HDAC9: variants seen among roughly 807,000 people sequenced by gnomAD.
The protein encoded by HDAC9 is MEF-2 interacting transcription repressor (MITR) protein.
A neutral mutation model predicts 139.4 loss-of-function variants in HDAC9; 41 were observed. The observed-to-expected ratio is 0.29, with a 90% confidence interval of 0.23 to 0.38. The LOEUF (loss-of-function observed/expected upper bound fraction) is 0.38, where lower values mean the gene tolerates loss of function less well. HDAC9 is among the 10% of genes least tolerant of loss of function. The pLI, the probability that HDAC9 is intolerant of heterozygous loss-of-function variation, is 1.00. For synonymous variants in HDAC9, 517 were observed against 476.2 expected (o/e 1.09, Z -1.12); for missense variants, 1,147 against 1,297.0 (o/e 0.88, Z 1.78).
chr7:18,188,964 A>G (rs983853633), intron 2 of HDAC9, among the ~76,000 whole-genome samples: 6 of 152,332 alleles, frequency 3.9e-5, no homozygotes, highest in African/African-American at 1.2e-4. Context: ...AATCAGAAAT[A>G]CCATTTGACC....
At chr7:18,343,857 T>C (rs897057241) in intron 1 of HDAC9, among the ~76,000 whole-genome samples, 1 of 151,888 alleles carries the variant, frequency 6.6e-6, no homozygotes, top group African/African-American at 2.4e-5. Flanking sequence ...TATTGTTTTA[T>C]CAAAAAGTAA....
intron 2 of HDAC9, among the ~76,000 whole-genome samples, chr7:18,498,834 C>G (rs1009862019): frequency 1.3e-5 from 2 of 152,046 alleles, no homozygotes; most frequent in African/African-American, 2.4e-5. Context: ...AAAACGTATA[C>G]TCACTATTAG....
intron 22 of HDAC9, among the ~76,000 whole-genome samples, chr7:18,915,045 A>G (rs1264703452): frequency 1.3e-5 from 2 of 152,120 alleles, no homozygotes; most frequent in East Asian, 1.9e-4. Flanking sequence ...TCTTGTTCAA[A>G]TAAAGATATA....
chr7:18,439,974 C>T (rs1791595238), intron 1 of HDAC9, among the ~76,000 whole-genome samples: 1 of 152,128 alleles, frequency 6.6e-6, no homozygotes, highest in South Asian at 2.1e-4. Flanking sequence ...ATACCTTCAA[C>T]TTGTATTGAT....
intron 2 of HDAC9, among the ~76,000 whole-genome samples, chr7:18,212,243 A>G (rs1341974614): frequency 6.6e-6 from 1 of 152,190 alleles, no homozygotes; most frequent in Non-Finnish European, 1.5e-5. Flanking sequence ...TGTAAGATTT[A>G]TTAATACAAA....
intron 1 of HDAC9, among the ~76,000 whole-genome samples, chr7:18,295,228 T>C (rs1798065108): frequency 6.6e-6 from 1 of 151,918 alleles, no homozygotes; most frequent in African/African-American, 2.4e-5. Flanking sequence ...GTAAAGGAGG[T>C]GGATAAGTCA....
intron 12 of HDAC9, among the ~76,000 whole-genome samples, chr7:18,704,250 G>T (rs1174426056): frequency 6.6e-6 from 1 of 152,192 alleles, no homozygotes; most frequent in African/African-American, 2.4e-5. Context: ...GGTGCAGTGT[G>T]TATACTGTCT....
At chr7:18,586,969 A>G (rs1350110535) in intron 3 of HDAC9, among the ~76,000 whole-genome samples, 1 of 152,110 alleles carries the variant, frequency 6.6e-6, no homozygotes, top group Non-Finnish European at 1.5e-5. Flanking sequence ...TCCTTCCAGC[A>G]TGTTAAGATG....
intron 16 of HDAC9, among the ~76,000 whole-genome samples, chr7:18,771,350 G>T (rs1790274085): frequency 6.6e-6 from 1 of 152,102 alleles, no homozygotes; most frequent in Non-Finnish European, 1.5e-5. Flanking sequence ...GAAGGATTAG[G>T]TGATTATGAG....
At chr7:18,509,212 A>G (rs1374409711) in intron 2 of HDAC9, 2 of 945,248 alleles carry the variant, frequency 2.1e-6, no homozygotes, top group African/African-American at 1.8e-5. Context: ...TCAACATTCC[A>G]ATTGGTCTAA....
At chr7:18,399,728 C>G (rs2128732163) in intron 1 of HDAC9, among the ~76,000 whole-genome samples, 1 of 152,268 alleles carries the variant, frequency 6.6e-6, no homozygotes, top group Middle Eastern at 3.4e-3. Flanking sequence ...TTGGTGTGTG[C>G]TTTGCAGAGC....
intron 18 of HDAC9, 54 bp downstream of exon 18, chr7:18,829,270 C>T (rs1795684356): frequency 7.2e-7 from 1 of 1,391,106 alleles, no homozygotes; most frequent in South Asian, 1.2e-5. Context: ...CTGGCGGTCA[C>T]CTGCCCCGTG....
At chr7:18,990,926 T>G (rs1483641408) in intron 25 of HDAC9, among the ~76,000 whole-genome samples, 1 of 152,232 alleles carries the variant, frequency 6.6e-6, no homozygotes, top group East Asian at 1.9e-4. Flanking sequence ...GCGCACCCAC[T>G]GACCTGCGCC....
At chr7:18,873,344 C>G (rs988805911) in intron 21 of HDAC9, among the ~76,000 whole-genome samples, 4 of 152,038 alleles carry the variant, frequency 2.6e-5, no homozygotes, top group African/African-American at 9.7e-5. Context: ...TATTTATGAA[C>G]TTGAAGGATA....
At chr7:18,306,971 G>A (rs1284462785) in intron 1 of HDAC9, among the ~76,000 whole-genome samples, 2 of 151,932 alleles carry the variant, frequency 1.3e-5, no homozygotes, top group Non-Finnish European at 2.9e-5. Flanking sequence ...CTTCTCTCGT[G>A]GACCTCATTC....
At chr7:18,106,013 T>C (rs959228867) in intron 1 of HDAC9, among the ~76,000 whole-genome samples, 3 of 152,060 alleles carry the variant, frequency 2.0e-5, no homozygotes, top group Non-Finnish European at 4.4e-5. Context: ...TTATAGGAAA[T>C]AGCCAAAGAC....
intron 1 of HDAC9, among the ~76,000 whole-genome samples, chr7:18,382,655 T>C (rs989099661): frequency 2.0e-5 from 3 of 152,212 alleles, no homozygotes; most frequent in African/African-American, 7.2e-5. Context: ...TCAGATACGA[T>C]GTCATTGTCT....
At chr7:18,334,567 T>G (rs1294470098) in intron 1 of HDAC9, among the ~76,000 whole-genome samples, 2 of 151,488 alleles carry the variant, frequency 1.3e-5, no homozygotes, top group Non-Finnish European at 3.0e-5. Context: ...TGATGGTCAC[T>G]TTTTCAAAAA....
rs146129943 is a variant in HDAC9 at position 18,908,790 on chromosome 7, C to A, written c.2804-27019C>A. On this transcript the variant is annotated intron_variant, in intron 22 of 25. Transcript: ENST00000686413. ...CCATTGTCTATTTATACCACATTTT[C>A]TCTATCCATTCATCCATTAATGGAC... is the stretch of plus-strand genomic sequence containing the variant. 7.2e-3 allele frequency among the ~76,000 whole-genome samples: 1,095 copies of A among 152,112 alleles called. 7 individuals are homozygous for A. Among genetic ancestry groups the A allele is most frequent in the Admixed American group, 0.016 (238 of 15,268 alleles).
Sources: gnomAD v4.1 joint callset for allele counts (sites outside exome capture counted in the v4.1 genomes callset) on GRCh38, gnomAD v4.1.1 for gene constraint, MANE v1.5 for transcripts, NCBI Gene and HGNC (gene_info 2026-07-23, HGNC 2026-07-21) for gene names.